DPP10: variants seen among roughly 807,000 people sequenced by gnomAD.
DPP10 encodes dipeptidyl peptidase like 10, also known as inactive dipeptidyl peptidase 10.
DPP10 carries 33 observed loss-of-function variants against 120.9 expected under a neutral mutation model. The observed-to-expected ratio is 0.27, with a 90% CI of 0.21 to 0.37. The LOEUF is 0.37. Ranked by LOEUF, DPP10 falls within the 10% of genes least tolerant of loss-of-function variation. The probability of loss-of-function intolerance (pLI) is 1.00; values close to 1 mark genes in which losing one functional copy is unlikely to be tolerated. For synonymous variants in DPP10, 337 were observed against 326.1 expected, an observed-to-expected ratio of 1.03 and a Z score of -0.36; for missense variants, 816 against 942.8, an observed-to-expected ratio of 0.87 and a Z score of 1.76.
intron 5 of DPP10, among the ~76,000 whole-genome samples, chr2:115,564,438 G>T (rs960973153): frequency 2.0e-5 from 3 of 151,998 alleles, no homozygotes; most frequent in Non-Finnish European, 2.9e-5. Context: ...GAGCCATGTT[G>T]TTTATGTTAA....
At chr2:115,338,469 G>T (rs1195153147) in intron 2 of DPP10, among the ~76,000 whole-genome samples, 1 of 151,876 alleles carries the variant, frequency 6.6e-6, no homozygotes, top group East Asian at 1.9e-4. Context: ...TAGTTTTAGG[G>T]ATTAGGCCTC....
At chr2:114,993,578 G>GTATATATATATATATATATA (rs1384073454) in intron 1 of DPP10, among the ~76,000 whole-genome samples, 9 of 89,188 alleles carry the variant, frequency 1.0e-4, no homozygotes, top group African/African-American at 2.3e-4. Context: ...GTGTGTGTGT[G>GTATATATATATATATATATA]TGTATATATA....
intron 3 of DPP10, among the ~76,000 whole-genome samples, chr2:115,359,682 T>A (rs2106345054): frequency 6.6e-6 from 1 of 152,280 alleles, no homozygotes; most frequent in Admixed American, 6.5e-5. Context: ...TTGGGTAAAT[T>A]TTTATGAAAT....
At chr2:115,231,884 G>A (rs1364619766) in intron 1 of DPP10, among the ~76,000 whole-genome samples, 11 of 152,168 alleles carry the variant, frequency 7.2e-5, no homozygotes, top group Admixed American at 1.3e-4. Flanking sequence ...AGAGTCATCT[G>A]GAGAATCAGT....
chr2:114,446,104 G>A (rs533028839), intron 1 of DPP10, among the ~76,000 whole-genome samples: 84 of 152,282 alleles, frequency 5.5e-4, no homozygotes, highest in African/African-American at 1.9e-3. Context: ...AGATCTTTGC[G>A]TTATTATAAA....
At position 114,557,000 on chromosome 2, in the gene DPP10, C is replaced by CT. The variant is rs59230198; in HGVS notation, c.60+114182dup. Among the ~76,000 whole-genome samples the CT allele has an allele frequency of 0.017, 2,403 of 138,614 alleles. 127 individuals carry two copies. In the East Asian group the frequency reaches 0.2, roughly 11 times the overall value. The allele number at this position is 138,614 out of a possible 152,430, so 90.9% of individuals were successfully genotyped here. On this transcript the variant is annotated intron_variant, in intron 1 of 25. Coordinates refer to ENST00000410059, the MANE Select transcript of DPP10 (RefSeq NM_020868.6). ...GAGTGTCAACAGATAGCAAAGACAGCTTTTTTTTTTTTTTTTTTTTAAGAA... is the reference window on the plus strand; with the variant it reads ...GAGTGTCAACAGATAGCAAAGACAGCTTTTTTTTTTTTTTTTTTTTTAAGAA...
intron 3 of DPP10, among the ~76,000 whole-genome samples, chr2:115,458,210 G>C (rs1204267753): frequency 1.3e-5 from 2 of 152,136 alleles, no homozygotes; most frequent in Non-Finnish European, 2.9e-5. Context: ...CATGGAAGGA[G>C]TAATCAGAGC....
chr2:115,014,613 AAGAG>A (rs1212762440), intron 1 of DPP10, among the ~76,000 whole-genome samples: 1 of 152,134 alleles, frequency 6.6e-6, no homozygotes, highest in Non-Finnish European at 1.5e-5. Context: ...TAAAGAATAA[AAGAG>A]AGAAGAATGA....
At chr2:115,079,464 G>T (rs2104486236) in intron 1 of DPP10, among the ~76,000 whole-genome samples, 1 of 152,306 alleles carries the variant, frequency 6.6e-6, no homozygotes, top group Non-Finnish European at 1.5e-5. Context: ...GCTATGCATG[G>T]GAACGTTAGC....
intron 1 of DPP10, among the ~76,000 whole-genome samples, chr2:114,459,744 C>T (rs57708558): frequency 0.011 from 1,708 of 152,168 alleles, 25 homozygotes; most frequent in African/African-American, 0.039. Flanking sequence ...ATCTTTGTTT[C>T]AATAGTTGTT....
intron 1 of DPP10, among the ~76,000 whole-genome samples, chr2:114,942,287 G>GTATATATATACATATATATATATA (rs1558903641): frequency 2.0e-4 from 22 of 112,794 alleles, no homozygotes; most frequent in South Asian, 1.6e-3. Flanking sequence ...AAAAAAATGT[G>GTATATATATACATATATATATATA]TATATATATA....
At chr2:115,614,694 C>G (rs969455106) in intron 5 of DPP10, among the ~76,000 whole-genome samples, 1 of 152,130 alleles carries the variant, frequency 6.6e-6, no homozygotes, top group Non-Finnish European at 1.5e-5. Flanking sequence ...CGTAAGCAAC[C>G]GTGCCAGGCT....
intron 5 of DPP10, among the ~76,000 whole-genome samples, chr2:115,592,611 C>T (rs1033908812): frequency 5.3e-5 from 8 of 151,508 alleles, no homozygotes; most frequent in East Asian, 1.9e-4. Flanking sequence ...CAAAAATTAG[C>T]TGGGCGTGGT....
At chr2:114,518,168 C>T (rs768563557) in intron 1 of DPP10, among the ~76,000 whole-genome samples, 1 of 150,494 alleles carries the variant, frequency 6.6e-6, no homozygotes, top group Non-Finnish European at 1.5e-5. Flanking sequence ...ACCTCTGCCT[C>T]CCAGGTTCAG....
chr2:115,068,269 T>C (rs1199483766), intron 1 of DPP10, among the ~76,000 whole-genome samples: 1 of 152,096 alleles, frequency 6.6e-6, no homozygotes, highest in Non-Finnish European at 1.5e-5. Context: ...CTAGCCATTC[T>C]AACAGGTGTG....
At chr2:115,156,348 A>G (rs1315098539) in intron 1 of DPP10, among the ~76,000 whole-genome samples, 1 of 152,184 alleles carries the variant, frequency 6.6e-6, no homozygotes, top group East Asian at 1.9e-4. Context: ...GGGACTCTTT[A>G]ATGTCAGCGG....
chr2:114,541,550 G>A (rs770166332), intron 1 of DPP10, among the ~76,000 whole-genome samples: 2 of 152,116 alleles, frequency 1.3e-5, no homozygotes, highest in African/African-American at 2.4e-5. Context: ...CTTTCCTGCA[G>A]ATATTTGAGT....
rs529212743 is a variant in DPP10, at chr2:114,455,233, T to A, written c.60+12395T>A. ...ATTTAAGACAATAAGTTAGAAGAGATAAGAGGTGGGTTTTAAAAACGTAAA... is the reference window on the plus strand; with the variant it reads ...ATTTAAGACAATAAGTTAGAAGAGAAAAGAGGTGGGTTTTAAAAACGTAAA... On this transcript the variant is annotated intron_variant, in intron 1 of 25. Coordinates refer to ENST00000410059, the MANE Select transcript of DPP10 (RefSeq NM_020868.6). Among the ~76,000 whole-genome samples the A allele has an allele frequency of 1.3e-4, 20 of 151,250 alleles. No individual in the cohort carries two copies. The South Asian group carries it at 2.7e-3, about 21-fold the overall frequency.
intron 1 of DPP10, among the ~76,000 whole-genome samples, chr2:114,507,136 C>T (rs1434422846): frequency 2.0e-5 from 3 of 151,504 alleles, no homozygotes; most frequent in Non-Finnish European, 4.4e-5. Context: ...CAGCCTCCAC[C>T]TCCTGGGCTC....
Sources: allele counts gnomAD v4.1 joint callset (sites outside exome capture counted in the v4.1 genomes callset), GRCh38; gene constraint gnomAD v4.1.1; transcripts MANE v1.5; gene names NCBI Gene and HGNC (gene_info 2026-07-23, HGNC 2026-07-21).